CTNNA2: variants seen among roughly 807,000 people sequenced by gnomAD.
CTNNA2 encodes the protein catenin alpha-2.
In CTNNA2, 42 loss-of-function variants were observed where a neutral mutation model predicts 101.0. That is an observed-to-expected ratio of 0.42 (90% confidence interval 0.32 to 0.54). CTNNA2 has a LOEUF of 0.54. Among genes scored for constraint, CTNNA2 ranks in the 20% least tolerant of loss-of-function variants. CTNNA2 has a pLI of 0.14. For synonymous variants in CTNNA2, 450 were observed against 456.4 expected, an observed-to-expected ratio of 0.99 and a Z score of 0.18; for missense variants, 871 against 1,223.1, an observed-to-expected ratio of 0.71 and a Z score of 4.29.
At chr2:79,609,006 C>G (rs1197755630) in intron 1 of CTNNA2, among the ~76,000 whole-genome samples, 2 of 151,808 alleles carry the variant, frequency 1.3e-5, no homozygotes, top group South Asian at 2.1e-4. Flanking sequence ...AAGGAAAAAT[C>G]TACTAGAATA....
At chr2:80,559,517 T>G (rs1693358185) in intron 12 of CTNNA2, among the ~76,000 whole-genome samples, 1 of 152,236 alleles carries the variant, frequency 6.6e-6, no homozygotes. Context: ...GTAAAGACAG[T>G]GCTTTGCTTA....
At chr2:79,836,088 G>T (rs1558566299) in intron 3 of CTNNA2, among the ~76,000 whole-genome samples, 1 of 152,058 alleles carries the variant, frequency 6.6e-6, no homozygotes. Context: ...TCTCAGCCTT[G>T]TATGGAAGGG....
At chr2:79,942,667 G>T (rs2104461473) in intron 7 of CTNNA2, among the ~76,000 whole-genome samples, 1 of 152,160 alleles carries the variant, frequency 6.6e-6, no homozygotes, top group Admixed American at 6.5e-5. Flanking sequence ...TACCCAAGAG[G>T]CACAGTTACC....
chr2:80,341,838 A>C (rs1040156836), intron 7 of CTNNA2, among the ~76,000 whole-genome samples: 3 of 152,234 alleles, frequency 2.0e-5, no homozygotes, highest in African/African-American at 7.2e-5. Context: ...TATTCACAAC[A>C]GCCAAAAATT....
chr2:80,240,904 T>A (rs919826224), intron 7 of CTNNA2, among the ~76,000 whole-genome samples: 2 of 152,186 alleles, frequency 1.3e-5, no homozygotes, highest in Non-Finnish European at 2.9e-5. Context: ...TGCCCTTTAC[T>A]TTACATGTGA....
At chr2:80,124,299 C>T (rs1450305225) in intron 7 of CTNNA2, among the ~76,000 whole-genome samples, 1 of 152,078 alleles carries the variant, frequency 6.6e-6, no homozygotes, top group African/African-American at 2.4e-5. Context: ...GCCCAGGTGC[C>T]ATCTTTGACT....
chr2:79,942,809 G>A (rs1688245576), intron 7 of CTNNA2, among the ~76,000 whole-genome samples: 1 of 152,014 alleles, frequency 6.6e-6, no homozygotes, highest in African/African-American at 2.4e-5. Context: ...TTGCATGCAG[G>A]AAAATTATAT....
At chr2:79,717,888 A>C in intron 2 of CTNNA2, among the ~76,000 whole-genome samples, 1 of 152,104 alleles carries the variant, frequency 6.6e-6, no homozygotes, top group Admixed American at 6.5e-5. Flanking sequence ...ACTCTGTAAT[A>C]TGTGCCACTG....
At chr2:80,341,808 C>G (rs1481692221) in intron 7 of CTNNA2, among the ~76,000 whole-genome samples, 1 of 152,164 alleles carries the variant, frequency 6.6e-6, no homozygotes, top group African/African-American at 2.4e-5. Flanking sequence ...CACACTTGCA[C>G]ATGAATGTTC....
chr2:79,623,336 T>C (rs571781414), intron 1 of CTNNA2, among the ~76,000 whole-genome samples: 56 of 152,296 alleles, frequency 3.7e-4, no homozygotes, highest in Admixed American at 2.7e-3. Flanking sequence ...TCATAAAGAC[T>C]TGAGCATATA....
chr2:79,934,311 A>G (rs1157474246), intron 7 of CTNNA2, among the ~76,000 whole-genome samples: 2 of 152,238 alleles, frequency 1.3e-5, no homozygotes, highest in Non-Finnish European at 2.9e-5. Flanking sequence ...AAAAACAGCA[A>G]TTACTTTTGC....
Position 79,714,146 on chromosome 2 carries a change from G to A in CTNNA2, c.103-30241G>A, listed in dbSNP as rs1185439974. On this transcript the variant is annotated intron_variant, in intron 2 of 18. Transcript: ENST00000402739. ...CAACAGGGCTCATTTCCAAACATGAGTTATACACACTGGACTAGAGCTCCA... is the reference window on the plus strand; with the variant it reads ...CAACAGGGCTCATTTCCAAACATGAATTATACACACTGGACTAGAGCTCCA... Among the ~76,000 whole-genome samples, 3 of 152,234 alleles carry A rather than the reference G, an allele frequency of 2.0e-5. No homozygotes were observed. In the East Asian group the frequency reaches 5.8e-4, roughly 29 times the overall value.
intron 9 of CTNNA2, among the ~76,000 whole-genome samples, chr2:80,475,798 A>G (rs1685682828): frequency 6.6e-6 from 1 of 152,318 alleles, no homozygotes; most frequent in East Asian, 1.9e-4. Flanking sequence ...TGATTACAGT[A>G]CACAGAATAT....
At chr2:80,622,198 G>C (rs1214245764) in intron 18 of CTNNA2, among the ~76,000 whole-genome samples, 1 of 151,912 alleles carries the variant, frequency 6.6e-6, no homozygotes, top group South Asian at 2.1e-4. Context: ...CAGCAAGTGA[G>C]TGAATTGAGT....
At chr2:79,803,755 T>C (rs1031497446) in intron 3 of CTNNA2, among the ~76,000 whole-genome samples, 2 of 152,254 alleles carry the variant, frequency 1.3e-5, no homozygotes, top group African/African-American at 4.8e-5. Flanking sequence ...AACCATGATG[T>C]AGTTCCTTAG....
rs980957970 is a variant in CTNNA2, at chr2:80,162,454, T to A, written c.1057-230757T>A. ...AATGTGCTTTTAACATGTGTTAGTGTCGAGATGAGCGCCATTTTCCATCTC... is the reference window on the plus strand; with the variant it reads ...AATGTGCTTTTAACATGTGTTAGTGACGAGATGAGCGCCATTTTCCATCTC... On this transcript the variant is annotated intron_variant, in intron 7 of 18. Transcript: ENST00000402739. 9 of 1,591,660 alleles carry A rather than the reference T, an allele frequency of 5.7e-6. No individual in the cohort carries two copies. The East Asian group carries it at 2.0e-4, about 36-fold the overall frequency.
intron 9 of CTNNA2, among the ~76,000 whole-genome samples, chr2:80,502,690 ACCCTCTG>A (rs1362423736): frequency 6.6e-6 from 1 of 152,100 alleles, no homozygotes; most frequent in East Asian, 1.9e-4. Flanking sequence ...GATCCAGGCT[ACCCTCTG>A]CATCTCTCAG....
At chr2:79,635,018 G>A (rs776500791) in intron 1 of CTNNA2, among the ~76,000 whole-genome samples, 7 of 151,722 alleles carry the variant, frequency 4.6e-5, no homozygotes, top group Non-Finnish European at 8.8e-5. Context: ...TTATGGCTGT[G>A]GGATAAAGAA....
At chr2:79,791,045 A>G (rs1675230524) in intron 3 of CTNNA2, among the ~76,000 whole-genome samples, 3 of 152,218 alleles carry the variant, frequency 2.0e-5, no homozygotes, top group Admixed American at 1.3e-4. Flanking sequence ...ACCTACTTGT[A>G]TTCAACTTTT....
Sources: allele counts gnomAD v4.1 joint callset (sites outside exome capture counted in the v4.1 genomes callset), GRCh38; gene constraint gnomAD v4.1.1; transcripts MANE v1.5; gene names NCBI Gene and HGNC (gene_info 2026-07-23, HGNC 2026-07-21).